The following ISM1 variants were observed in gnomAD, a reference collection of about 807,000 sequenced individuals.
ISM1 encodes the protein isthmin-1.
Under a neutral mutation model 46.3 loss-of-function variants are expected in ISM1, and 25 were observed. The observed-to-expected ratio is 0.54, with a 90% CI of 0.39 to 0.75. The LOEUF (loss-of-function observed/expected upper bound fraction) is 0.75. ISM1 is among the 30% of genes least tolerant of loss of function. The probability of loss-of-function intolerance (pLI) is 0.00; values close to 1 mark genes in which losing one functional copy is unlikely to be tolerated. For missense variants in ISM1, 536 were observed against 625.4 expected, an observed-to-expected ratio of 0.86 and a Z score of 1.52; for synonymous variants, 255 against 256.7, an observed-to-expected ratio of 0.99 and a Z score of 0.06.
intron 1 of ISM1, among the ~76,000 whole-genome samples, chr20:13,252,144 G>A (rs2123196098): frequency 1.3e-5 from 2 of 152,272 alleles, no homozygotes; most frequent in African/African-American, 4.8e-5. Flanking sequence ...ACAAGAGTGT[G>A]AATGGATCCC....
chr20:13,221,545 G>A lies in ISM1; in HGVS notation c.-232G>A, dbSNP rs1413408114. On this transcript the variant is annotated 5_prime_UTR_variant, in exon 1 of 6. Transcript: ENST00000262487. ...ACACCCCCGGCCTCGCGGTGGCTCC[G>A]CCGTGGTGCGGCGGCGGCGGCGGCG... is the stretch of plus-strand genomic sequence containing the variant. 4.8e-4 allele frequency among the ~76,000 whole-genome samples: 69 copies of A among 144,318 alleles called. No homozygotes were observed. Among genetic ancestry groups the A allele is most frequent in the African/African-American group, 1.6e-3 (64 of 40,376 alleles). 94.7% of individuals were successfully genotyped at this position (144,318 alleles called of 152,430 possible).
intron 5 of ISM1, 79 bp from the exon 6 acceptor site, chr20:13,298,863 G>C: frequency 1.4e-6 from 2 of 1,445,128 alleles, no homozygotes; most frequent in Non-Finnish European, 1.9e-6. Flanking sequence ...GGAGCAGCCT[G>C]GTGTCACATG....
chr20:13,289,789 G>A (rs1177101094), intron 4 of ISM1, among the ~76,000 whole-genome samples: 2 of 152,100 alleles, frequency 1.3e-5, no homozygotes, highest in Non-Finnish European at 2.9e-5. Context: ...CTGGTGTATA[G>A]TCTTACTGTG....
In ISM1 at chr20:13,270,638, G is replaced by A. The variant is rs761195287; in HGVS notation, c.273G>A (p.Gly91=). The change falls in exon 2 of 6, where the codon GGG becomes GGA. Residue 91 remains glycine (G), a synonymous_variant. Transcript: ENST00000262487. Reference sequence around the variant, plus strand: ...GACCGCGATTCCGACAAGAGACGGGGCACCCTTCATTGCAAAGAGATTTCC... The same window carrying A: ...GACCGCGATTCCGACAAGAGACGGGACACCCTTCATTGCAAAGAGATTTCC... ...FPRPRFRQET[G]HPSLQRDFPR... is the part of the protein sequence containing the mutation. 1.9e-6 allele frequency: 3 copies of A among 1,613,942 alleles called. No homozygotes were observed. The highest frequency in any genetic ancestry group is 2.2e-5 in the East Asian group (1 of 44,888).
At chr20:13,303,977 G>T (rs1053795458), downstream of ISM1, among the ~76,000 whole-genome samples, 2 of 152,186 alleles carry the variant, frequency 1.3e-5, no homozygotes, top group African/African-American at 4.8e-5. Context: ...TAGCCAAGTG[G>T]CCCACCTCTA....
intron 1 of ISM1, among the ~76,000 whole-genome samples, chr20:13,234,331 A>C (rs1271221612): frequency 6.6e-6 from 1 of 152,114 alleles, no homozygotes; most frequent in Non-Finnish European, 1.5e-5. Context: ...TCCATGGTAT[A>C]TTTCTTTACC....
chr20:13,265,921 T>A (rs534700787), intron 1 of ISM1, among the ~76,000 whole-genome samples: 22 of 152,232 alleles, frequency 1.4e-4, no homozygotes, highest in Non-Finnish European at 1.5e-5. Context: ...CCACCATCTG[T>A]CCAGTCAGCC....
At chr20:13,235,893 T>C (rs1047362177) in intron 1 of ISM1, among the ~76,000 whole-genome samples, 2 of 151,828 alleles carry the variant, frequency 1.3e-5, no homozygotes, top group Admixed American at 1.3e-4. Flanking sequence ...GGGACAGGAG[T>C]TCCAAAGCTC....
chr20:13,321,739 A>G, the ISM1 span, among the ~76,000 whole-genome samples: 1 of 152,190 alleles, frequency 6.6e-6, no homozygotes, highest in Non-Finnish European at 1.5e-5. Context: ...TATTTTTCAC[A>G]TGTATGTACA....
intron 5 of ISM1, among the ~76,000 whole-genome samples, 169 bp downstream of exon 5, chr20:13,292,632 A>G (rs773362673): frequency 6.6e-6 from 1 of 152,098 alleles, no homozygotes; most frequent in Non-Finnish European, 1.5e-5. Context: ...GCAAGAGAAA[A>G]CAGTCCTAAG....
intron 2 of ISM1, among the ~76,000 whole-genome samples, chr20:13,277,158 A>G (rs985675855): frequency 3.3e-5 from 5 of 152,182 alleles, no homozygotes; most frequent in African/African-American, 1.2e-4. Context: ...AAAAAATCAT[A>G]TTGACGGTAA....
chr20:13,255,825 C>T (rs113074812), intron 1 of ISM1, among the ~76,000 whole-genome samples: 10 of 152,218 alleles, frequency 6.6e-5, no homozygotes, highest in East Asian at 3.9e-4. Flanking sequence ...ACAAGGGGTC[C>T]GCTGTGCCCC....
intron 3 of ISM1, among the ~76,000 whole-genome samples, chr20:13,280,468 G>A (rs541523887): frequency 6.6e-6 from 1 of 151,854 alleles, no homozygotes; most frequent in African/African-American, 2.4e-5. Context: ...GGATAAGTGA[G>A]GTAACACCTT....
At chr20:13,270,943 T>C (rs1026351272) in intron 2 of ISM1, among the ~76,000 whole-genome samples, 200 bp downstream of exon 2, 1 of 152,220 alleles carries the variant, frequency 6.6e-6, no homozygotes, top group African/African-American at 2.4e-5. Flanking sequence ...CACAATTATT[T>C]TGTGAACCAC....
chr20:13,224,244 G>A (rs557297500), intron 1 of ISM1, among the ~76,000 whole-genome samples: 4 of 152,126 alleles, frequency 2.6e-5, no homozygotes, highest in Non-Finnish European at 5.9e-5. Context: ...TTGCTGTTTT[G>A]TAATTTGTTA....
chr20:13,236,513 A>C (rs2039651917), intron 1 of ISM1, among the ~76,000 whole-genome samples: 1 of 152,140 alleles, frequency 6.6e-6, no homozygotes, highest in Non-Finnish European at 1.5e-5. Context: ...TTTCAAAACC[A>C]ATCATGCCTT....
At chr20:13,271,668 T>C (rs2040117281) in intron 2 of ISM1, among the ~76,000 whole-genome samples, 1 of 152,210 alleles carries the variant, frequency 6.6e-6, no homozygotes, top group African/African-American at 2.4e-5. Flanking sequence ...ATTTTGAATG[T>C]TGTTTGTACC....
In ISM1 at chr20:13,279,829, C is replaced by A. The variant is rs375940485; in HGVS notation, c.574C>A (p.Pro192Thr). The A allele has an allele frequency of 8.2e-5, 133 of 1,613,848 alleles. 1 individual carries two copies. The African/African-American group carries it at 1.6e-3, about 19-fold the overall frequency. Reference sequence around the variant, plus strand: ...CTCAGACGACAGCAACTTCCTCAACCCCCCCAGGGGGTGGGACCATACAGC... The same window carrying A: ...CTCAGACGACAGCAACTTCCTCAACACCCCCAGGGGGTGGGACCATACAGC... Reference protein sequence around the residue: ...STSDDSNFLNPPRGWDHTAPG... With the variant: ...STSDDSNFLNTPRGWDHTAPG... Residue 192 changes from proline (P) to threonine (T), a missense_variant, in exon 3 of 6, where the codon CCC becomes ACC. By Grantham distance (38) the Pro-to-Thr change is conservative (BLOSUM62 -1). This residue lies in a region of ISM1 where 367 missense variants were observed against 376.1 expected (regional missense o/e 0.98). Transcript: ENST00000262487.
chr20:13,303,889 G>A (rs6042005), downstream of ISM1, among the ~76,000 whole-genome samples: 1 of 152,210 alleles, frequency 6.6e-6, no homozygotes, highest in Non-Finnish European at 1.5e-5. Flanking sequence ...CATTATTTAA[G>A]GTGATGCTGG....
Sources: gnomAD v4.1 joint callset for allele counts (sites outside exome capture counted in the v4.1 genomes callset) on GRCh38, gnomAD v4.1.1 for gene constraint, gnomAD v4.1.1 regional missense constraint, MANE v1.5 for transcripts, NCBI Gene and HGNC (gene_info 2026-07-23, HGNC 2026-07-21) for gene names.